The following SEPTIN9 variants were observed in gnomAD, a reference collection of about 807,000 sequenced individuals.
SEPTIN9 encodes septin-9.
Under a neutral mutation model 56.6 loss-of-function variants are expected in SEPTIN9, and 13 were observed. That is an observed-to-expected ratio of 0.23 (90% CI 0.15 to 0.37). The LOEUF is 0.37. Among genes scored for constraint, SEPTIN9 ranks in the 10% least tolerant of loss-of-function variants. The pLI, the probability that SEPTIN9 is intolerant of heterozygous loss-of-function variation, is 1.00. For missense variants in SEPTIN9, 650 were observed against 823.1 expected (o/e 0.79, Z 2.57); for synonymous variants, 332 against 334.1 (o/e 0.99, Z 0.07).
chr17:77,285,821 A>G (rs906005763), intron 1 of SEPTIN9, among the ~76,000 whole-genome samples: 14 of 152,232 alleles, frequency 9.2e-5, no homozygotes, highest in Non-Finnish European at 1.9e-4. Flanking sequence ...CCACACAGGA[A>G]GCAGCTTCTG....
intron 2 of SEPTIN9, among the ~76,000 whole-genome samples, chr17:77,322,066 C>T (rs1389176596): frequency 2.0e-5 from 3 of 152,222 alleles, no homozygotes; most frequent in Non-Finnish European, 4.4e-5. Flanking sequence ...TCACTCCACC[C>T]GCCTGGCTGG....
intron 2 of SEPTIN9, among the ~76,000 whole-genome samples, chr17:77,365,393 CCT>C (rs1491509914): frequency 4.0e-5 from 6 of 151,784 alleles, no homozygotes; most frequent in African/African-American, 1.5e-4. Flanking sequence ...CTTATTCTTT[CCT>C]CTTTCTTTCT....
chr17:77,494,779 A>G (rs1014684339), intron 10 of SEPTIN9, among the ~76,000 whole-genome samples: 3 of 152,178 alleles, frequency 2.0e-5, no homozygotes, highest in Admixed American at 2.0e-4. Context: ...CCAGCCCTGC[A>G]CCAGACTCCC....
At chr17:77,376,013 C>A (rs993336173) in intron 2 of SEPTIN9, 10 of 766,094 alleles carry the variant, frequency 1.3e-5, no homozygotes, top group African/African-American at 9.5e-5. Context: ...TCAGCCCAGC[C>A]AGGGGTGATG....
intron 4 of SEPTIN9, among the ~76,000 whole-genome samples, chr17:77,486,496 G>GTT (rs2039787407): frequency 1.0e-5 from 1 of 95,414 alleles, no homozygotes; most frequent in Admixed American, 9.1e-5. Context: ...GGGTGTGTGT[G>GTT]TGTGTGTGTG....
chr17:77,282,000 G>A (rs975907690), intron 1 of SEPTIN9: 1 of 160,344 alleles, frequency 6.2e-6, no homozygotes, highest in African/African-American at 2.4e-5. Context: ...TCTACTTAGT[G>A]GGGCACGGGA....
chr17:77,455,444 C>T (rs577052244), intron 3 of SEPTIN9, among the ~76,000 whole-genome samples: 63 of 152,246 alleles, frequency 4.1e-4, no homozygotes, highest in Non-Finnish European at 8.2e-4. Context: ...CCAGGTGACT[C>T]GGTCACTGAA....
intron 1 of SEPTIN9, among the ~76,000 whole-genome samples, chr17:77,292,108 C>T (rs191931571): frequency 2.1e-3 from 319 of 152,274 alleles, no homozygotes; most frequent in African/African-American, 7.2e-3. Context: ...CCCCTCAAGA[C>T]GCATCTGTAC....
chr17:77,308,891 C>T (rs2032372180), intron 2 of SEPTIN9, among the ~76,000 whole-genome samples: 1 of 152,232 alleles, frequency 6.6e-6, no homozygotes, highest in African/African-American at 2.4e-5. Context: ...CCTTGCAGTA[C>T]AGGATGGGAC....
rs1414685935 is a variant in SEPTIN9 at position 77,326,955 on chromosome 17, C to A, written c.76+19758C>A. Among the ~76,000 whole-genome samples the A allele has an allele frequency of 1.3e-5, 2 of 152,084 alleles. No individual in the cohort carries two copies. The highest frequency in any genetic ancestry group is 1.3e-4 in the Admixed American group (2 of 15,274). ...CCTGGAGGGTGGAGCGCCTGGGGAGCACATGGAAGCTCTGCGTCCCTCCCC... is the reference window on the plus strand; with the variant it reads ...CCTGGAGGGTGGAGCGCCTGGGGAGAACATGGAAGCTCTGCGTCCCTCCCC... On this transcript the variant is annotated intron_variant, in intron 2 of 11. Transcript: ENST00000427177. This position sits in a 1 kb window ranked among gnomAD's most constrained non-coding sequence, Gnocchi z 5.1.
chr17:77,362,663 T>C (rs894360560), intron 2 of SEPTIN9, among the ~76,000 whole-genome samples: 2 of 152,250 alleles, frequency 1.3e-5, no homozygotes, highest in African/African-American at 4.8e-5. Flanking sequence ...CAGTCTGAGC[T>C]GATGCTGCTG....
chr17:77,467,552 T>G (rs1478922288), intron 3 of SEPTIN9, among the ~76,000 whole-genome samples: 1 of 152,174 alleles, frequency 6.6e-6, no homozygotes, highest in African/African-American at 2.4e-5. Flanking sequence ...CATCCCACAC[T>G]GACCATTTCC....
At chr17:77,324,116 G>T (rs945246331) in intron 2 of SEPTIN9, among the ~76,000 whole-genome samples, 6 of 152,198 alleles carry the variant, frequency 3.9e-5, no homozygotes, top group Non-Finnish European at 1.5e-5. Context: ...CTCTGCCTCC[G>T]TTGTCACGGG....
At chr17:77,295,724 G>A (rs769511283) in intron 1 of SEPTIN9, among the ~76,000 whole-genome samples, 3 of 149,390 alleles carry the variant, frequency 2.0e-5, no homozygotes, top group African/African-American at 5.0e-5. Flanking sequence ...ATCTGCAGCC[G>A]GCCTCACTTC....
At chr17:77,378,753 C>T (rs1184527829) in intron 2 of SEPTIN9, among the ~76,000 whole-genome samples, 1 of 152,140 alleles carries the variant, frequency 6.6e-6, no homozygotes, top group African/African-American at 2.4e-5. Flanking sequence ...CCTTTTCCTG[C>T]CTGGCTGACA....
intron 2 of SEPTIN9, among the ~76,000 whole-genome samples, chr17:77,339,564 C>T (rs149343561): frequency 1.5e-3 from 221 of 151,000 alleles, no homozygotes; most frequent in Admixed American, 4.1e-3. Context: ...GAATGGAATG[C>T]GGTGGCATGA....
chr17:77,402,240 C>A lies in SEPTIN9; in HGVS notation c.258C>A (p.Pro86=), dbSNP rs199829107. ...TGGACTCCCTAAGCCAACGCTCCCCCAAGGCGTCCCTGCGGAGGGTGGAGC... is the reference window on the plus strand; with the variant it reads ...TGGACTCCCTAAGCCAACGCTCCCCAAAGGCGTCCCTGCGGAGGGTGGAGC... The part of the protein sequence containing the change: ...RHVDSLSQRS[P]KASLRRVELS... The change falls in exon 3 of 12, where the codon CCC becomes CCA. Residue 86 remains proline, a synonymous_variant. Transcript: ENST00000427177. The surrounding 1 kb of genome is among the most constrained non-coding windows in gnomAD (Gnocchi z 6.6). 6 of 1,613,416 alleles carry A rather than the reference C, an allele frequency of 3.7e-6. No homozygotes were observed. Among genetic ancestry groups the A allele is most frequent in the South Asian group, 1.1e-5 (1 of 91,084 alleles).
intron 3 of SEPTIN9, among the ~76,000 whole-genome samples, chr17:77,419,575 C>T (rs2036623796): frequency 6.6e-6 from 1 of 152,178 alleles, no homozygotes; most frequent in Non-Finnish European, 1.5e-5. Context: ...GGTCTGTTGC[C>T]CAGCCTAGGA....
rs1165184692 is a variant in SEPTIN9 at position 77,317,332 on chromosome 17, G to A, written c.76+10135G>A. Reference sequence around the variant, plus strand: ...GCCCCGTGTGTCCTATTAGGAACTGGCCTGCACAGCAGGAGGTGAGTGACT... The same window carrying A: ...GCCCCGTGTGTCCTATTAGGAACTGACCTGCACAGCAGGAGGTGAGTGACT... On this transcript the variant is annotated intron_variant, in intron 2 of 11. Transcript: ENST00000427177. The surrounding 1 kb of genome is among the most constrained non-coding windows in gnomAD (Gnocchi z 4.2). Among the ~76,000 whole-genome samples the A allele has an allele frequency of 6.6e-6, 1 of 152,186 alleles. No individual in the cohort carries two copies. The highest frequency in any genetic ancestry group is 1.5e-5 in the Non-Finnish European group (1 of 68,030).
Sources: allele counts gnomAD v4.1 joint callset (sites outside exome capture counted in the v4.1 genomes callset), GRCh38; gene constraint gnomAD v4.1.1; non-coding constraint Gnocchi (gnomAD v3.1); transcripts MANE v1.5; gene names NCBI Gene and HGNC (gene_info 2026-07-23, HGNC 2026-07-21).